MFSD12: variants seen among roughly 807,000 people sequenced by gnomAD.
MFSD12 encodes the protein major facilitator superfamily domain-containing protein 12.
Under a neutral mutation model 51.2 loss-of-function variants are expected in MFSD12, and 67 were observed. The ratio of observed to expected loss-of-function variants is 1.31; its 90% CI spans 1.08 to 1.60. The LOEUF (loss-of-function observed/expected upper bound fraction) is 1.60, where lower values mean the gene tolerates loss of function less well. Ranked by LOEUF, MFSD12 falls within the 40% of genes most tolerant of loss-of-function variation. MFSD12 has a pLI of 0.00. For missense variants in MFSD12, 921 were observed against 673.0 expected, an observed-to-expected ratio of 1.37 and a Z score of -4.08; for synonymous variants, 441 against 316.7, an observed-to-expected ratio of 1.39 and a Z score of -4.17.
downstream of MFSD12, chr19:3,543,369 G>C: frequency 6.5e-7 from 1 of 1,549,272 alleles, no homozygotes; most frequent in Non-Finnish European, 8.7e-7. Context: ...TCGGACGCCT[G>C]GGAAGCCTGG....
downstream of MFSD12, chr19:3,542,244 G>A (rs1309416432): frequency 1.0e-5 from 10 of 985,322 alleles, no homozygotes; most frequent in Non-Finnish European, 1.2e-5. Context: ...CCTCAAACAG[G>A]CTCTGTAACT....
chr19:3,545,210 C>CG (rs1555697170), intron 8 of MFSD12, among the ~76,000 whole-genome samples: 1 of 152,216 alleles, frequency 6.6e-6, no homozygotes, highest in Non-Finnish European at 1.5e-5. Flanking sequence ...GCACCCGCCC[C>CG]GGTCCCAGGC....
downstream of MFSD12, chr19:3,542,802 C>T: frequency 3.6e-6 from 5 of 1,371,348 alleles, no homozygotes; most frequent in Non-Finnish European, 4.9e-6. Flanking sequence ...CCCAGTCTTC[C>T]CTGGGCCATG....
downstream of MFSD12, chr19:3,543,506 G>T: frequency 6.6e-7 from 1 of 1,516,574 alleles, no homozygotes. Context: ...TGGGCAGCGG[G>T]CCTGCCAGAG....
At chr19:3,543,008 G>A (rs372468287), downstream of MFSD12, 1 of 1,600,896 alleles carries the variant, frequency 6.2e-7, no homozygotes. Context: ...TGCTGACTTG[G>A]GTGCTTGGGG....
exon 5 of MFSD12, chr19:3,538,396 A>C (rs944772698): frequency 4.0e-6 from 1 of 252,592 alleles, no homozygotes; most frequent in Non-Finnish European, 8.0e-6. Context: ...GAACATTCTC[A>C]TCACCCAGAA....
chr19:3,554,057 G>A (rs546867170), intron 1 of MFSD12, among the ~76,000 whole-genome samples: 100 of 151,844 alleles, frequency 6.6e-4, no homozygotes, highest in Admixed American at 6.0e-3. Flanking sequence ...CTTCCAGCCC[G>A]GGTGACAAAG....
At chr19:3,548,466 T>C (rs2031260682) in intron 2 of MFSD12, among the ~76,000 whole-genome samples, 199 bp from the exon 3 acceptor site, 1 of 152,202 alleles carries the variant, frequency 6.6e-6, no homozygotes, top group South Asian at 2.1e-4. Context: ...GCGGGAAAGC[T>C]GTGACCTGCA....
chr19:3,556,580 A>T (rs1297426465), intron 1 of MFSD12, among the ~76,000 whole-genome samples: 2 of 150,028 alleles, frequency 1.3e-5, no homozygotes, highest in African/African-American at 4.9e-5. Context: ...GGGGAGGCAC[A>T]GCACAGTCAG....
chr19:3,538,886 C>G (rs901082219), intron 4 of MFSD12: 112 of 636,016 alleles, frequency 1.8e-4, no homozygotes, highest in Middle Eastern at 1.5e-3. Flanking sequence ...AGAAGCCCCT[C>G]AAGGGGGTGT....
chr19:3,547,169 G>A lies in MFSD12; in HGVS notation c.1023+103C>T, dbSNP rs543823165. ...TGGGGCTTCTACAAGGCGGGAACTC[G>A]GAGGCCTGAGAGCATCCGAGGATGG... On this transcript the variant is annotated intron_variant, in intron 6 of 9. Transcript: ENST00000355415. 6.9e-4 allele frequency: 716 copies of A among 1,035,680 alleles called. 4 individuals carry two copies. Among genetic ancestry groups the A allele is most frequent in the African/African-American group, 5.3e-3 (338 of 63,818 alleles). 64.2% of individuals were successfully genotyped at this position (1,035,680 alleles called of 1,614,324 possible). A position where few individuals can be genotyped will look rare whatever the true frequency, so the allele number is the denominator to read the frequency against.
rs2031204955 is a variant in MFSD12, at chr19:3,547,917, CA to C, written c.767del (p.Leu256ArgfsTer30). The C allele has an allele frequency of 1.9e-6, 3 of 1,580,332 alleles. No individual in the cohort carries two copies. Among genetic ancestry groups the C allele is most frequent in the Non-Finnish European group, 2.6e-6 (3 of 1,170,990 alleles). ...GGGGCTGGGCCGTGGCAGGGGCCAA[CA>C]GGGGGGTGTGCTCGCCTGGCTCCTC... ...HAEEPGEHTP[L>X]LAPATAQPLL... On this transcript the variant is annotated frameshift_variant, in exon 4 of 10. Transcript: ENST00000355415. LOFTEE classifies it high-confidence loss of function.
At chr19:3,544,170 G>A, downstream of MFSD12, 1 of 1,369,920 alleles carries the variant, frequency 7.3e-7, no homozygotes, top group African/African-American at 1.5e-5. Flanking sequence ...CCTGCCCAGA[G>A]CCCCCCCGCA....
chr19:3,547,856 A>C lies in MFSD12; in HGVS notation c.829T>G (p.Phe277Val), dbSNP rs1360634935. 2.0e-6 allele frequency: 3 copies of C among 1,507,076 alleles called. No homozygotes were observed. The highest frequency in any genetic ancestry group is 2.6e-6 in the Non-Finnish European group (3 of 1,132,306). 93.4% of individuals were successfully genotyped at this position (1,507,076 alleles called of 1,614,324 possible). A position where few individuals can be genotyped will look rare whatever the true frequency, so the allele number is the denominator to read the frequency against. The change falls in exon 4 of 10, where the codon TTC (phenylalanine) becomes GTC (valine). Residue 277 changes from phenylalanine to valine, a missense_variant. Physicochemically the swap from Phe to Val is conservative, Grantham distance 50. Transcript: ENST00000355415. The part of the protein sequence containing the change: ...LWKHWLREPA[F>V]YQVGILYMTT... ...CCGTCCCCAGCACGCACCTGGTAGA[A>C]AGCCGGCTCCCGGAGCCAGTGCTTC...
downstream of MFSD12, chr19:3,543,459 G>A (rs1437857650): frequency 1.3e-6 from 2 of 1,539,974 alleles, no homozygotes; most frequent in Non-Finnish European, 1.7e-6. Flanking sequence ...CACCGTGAGT[G>A]CAGCATGCCA....
chr19:3,546,569 C>A (rs1004326964), intron 6 of MFSD12, 144 bp from the exon 7 acceptor site: 45 of 972,666 alleles, frequency 4.6e-5, no homozygotes, highest in Non-Finnish European at 6.6e-5. Flanking sequence ...GCCCTGGACA[C>A]AACACCGAGG....
downstream of MFSD12, chr19:3,541,601 A>C: frequency 4.1e-6 from 4 of 979,164 alleles, no homozygotes; most frequent in Non-Finnish European, 4.9e-6. Context: ...GATTACAGGC[A>C]TGAGCCACCG....
In MFSD12 at chr19:3,544,524, C is replaced by G; in HGVS notation, c.*186G>C. The G allele has an allele frequency of 7.1e-7, 1 of 1,404,706 alleles. No individual in the cohort carries two copies. Among genetic ancestry groups the G allele is most frequent in the Non-Finnish European group, 9.2e-7 (1 of 1,082,002 alleles). 87.0% of individuals were successfully genotyped at this position (1,404,706 alleles called of 1,614,324 possible). A position where few individuals can be genotyped will look rare whatever the true frequency, so the allele number is the denominator to read the frequency against. On this transcript the variant is annotated 3_prime_UTR_variant, in exon 10 of 10. Coordinates refer to ENST00000355415, the MANE Select transcript of MFSD12 (RefSeq NM_174983.5). Reference sequence around the variant, plus strand: ...GGGACACCCTCAAAACCCAGGGGGTCCTTGCAAGTCCCTGGCGGGCATCCC... The same window carrying G: ...GGGACACCCTCAAAACCCAGGGGGTGCTTGCAAGTCCCTGGCGGGCATCCC...
At chr19:3,549,296 C>T (rs1222589876) in intron 2 of MFSD12, among the ~76,000 whole-genome samples, 3 of 152,022 alleles carry the variant, frequency 2.0e-5, no homozygotes, top group South Asian at 2.1e-4. Context: ...CTCCCCGTGG[C>T]AGCAGCAGCT....
Sources: gnomAD v4.1 joint callset for allele counts (sites outside exome capture counted in the v4.1 genomes callset) on GRCh38, gnomAD v4.1.1 for gene constraint, MANE v1.5 for transcripts, NCBI Gene and HGNC (gene_info 2026-07-23, HGNC 2026-07-21) for gene names.